Variants in FAM216A observed in about 807,000 individuals in gnomAD.
FAM216A encodes the protein family with sequence similarity 216 member A, also known as protein FAM216A.
In FAM216A, 26 loss-of-function variants were observed where a neutral mutation model predicts 37.6. The ratio of observed to expected loss-of-function variants is 0.69; its 90% CI spans 0.51 to 0.96. FAM216A has a LOEUF of 0.96. Ranked by LOEUF, FAM216A falls within the 40% of genes least tolerant of loss-of-function variation. The probability of loss-of-function intolerance (pLI) is 0.00; values close to 1 mark genes in which losing one functional copy is unlikely to be tolerated. For missense variants in FAM216A, 326 were observed against 339.3 expected, an observed-to-expected ratio of 0.96 and a Z score of 0.31; for synonymous variants, 110 against 121.7, an observed-to-expected ratio of 0.90 and a Z score of 0.64.
At chr12:110,487,435 G>A (rs1006454065) in intron 5 of FAM216A, 14 of 156,936 alleles carry the variant, frequency 8.9e-5, no homozygotes, top group Admixed American at 3.9e-4. Context: ...ATGCCTAGCC[G>A]AGAGATATTT....
At chr12:110,484,121 AT>A (rs1156791862) in intron 2 of FAM216A, among the ~76,000 whole-genome samples, 1 of 151,760 alleles carries the variant, frequency 6.6e-6, no homozygotes, top group Non-Finnish European at 1.5e-5. Context: ...TTAAAAAAAG[AT>A]TTAAAAAACT....
At chr12:110,470,260 G>A (rs569202533) in intron 1 of FAM216A, among the ~76,000 whole-genome samples, 36 of 151,464 alleles carry the variant, frequency 2.4e-4, no homozygotes, top group Middle Eastern at 3.4e-3. Flanking sequence ...CACCACGCCC[G>A]GCTACTTTTT....
chr12:110,469,016 C>T lies in FAM216A; in HGVS notation c.141C>T (p.Gly47=). The change falls in exon 1 of 7, where the codon GGC becomes GGT. Residue 47 remains glycine (G), a splice_region_variant and synonymous_variant. Coordinates refer to ENST00000377673, the MANE Select transcript of FAM216A (RefSeq NM_013300.3). The part of the protein sequence containing the change: ...PAVAGTEGGG[G]GSAGYSCYQN... ...TGGCCGGGACCGAGGGTGGCGGCGG[C>T]GGGTGAGGTTGGGGGCCCCGGGGTA... is the stretch of plus-strand genomic sequence containing the variant. The T allele has an allele frequency of 6.8e-7, 1 of 1,468,294 alleles. No homozygotes were observed. Among genetic ancestry groups the T allele is most frequent in the Non-Finnish European group, 9.0e-7 (1 of 1,111,324 alleles). 91.0% of individuals were successfully genotyped at this position (1,468,294 alleles called of 1,614,324 possible).
intron 2 of FAM216A, among the ~76,000 whole-genome samples, chr12:110,477,986 C>T (rs934020798): frequency 7.2e-5 from 11 of 152,318 alleles, no homozygotes; most frequent in South Asian, 6.2e-4. Flanking sequence ...GGATTACAGG[C>T]GTGAGCCCCC....
chr12:110,480,931 C>T (rs576541518), intron 2 of FAM216A, among the ~76,000 whole-genome samples: 2 of 152,192 alleles, frequency 1.3e-5, no homozygotes, highest in African/African-American at 4.8e-5. Flanking sequence ...CCCTATATAC[C>T]TCCTTTCCCC....
At chr12:110,489,105 G>T (rs1042028812) in intron 6 of FAM216A, among the ~76,000 whole-genome samples, 3 of 152,290 alleles carry the variant, frequency 2.0e-5, no homozygotes, top group Middle Eastern at 3.4e-3. Flanking sequence ...AATGAAAAAG[G>T]GAAGACAGAC....
At chr12:110,475,142 G>T (rs1315041693) in intron 2 of FAM216A, among the ~76,000 whole-genome samples, 1 of 152,198 alleles carries the variant, frequency 6.6e-6, no homozygotes, top group Non-Finnish European at 1.5e-5. Context: ...CCAGTATTCA[G>T]CAAGTGCTTG....
At chr12:110,477,947 T>C (rs2062724051) in intron 2 of FAM216A, among the ~76,000 whole-genome samples, 1 of 152,054 alleles carries the variant, frequency 6.6e-6, no homozygotes, top group South Asian at 2.1e-4. Flanking sequence ...GACCTTGTGA[T>C]CTGCCCACCT....
chr12:110,476,009 A>C (rs2062712803), intron 2 of FAM216A, among the ~76,000 whole-genome samples: 1 of 151,980 alleles, frequency 6.6e-6, no homozygotes, highest in African/African-American at 2.4e-5. Context: ...AAGTGCTGGG[A>C]TTACAGGCGT....
chr12:110,488,234 A>C (rs2062787519), intron 6 of FAM216A, among the ~76,000 whole-genome samples: 1 of 151,942 alleles, frequency 6.6e-6, no homozygotes, highest in Admixed American at 6.6e-5. Flanking sequence ...ACATGGCGAA[A>C]CTCCCATCTC....
chr12:110,484,020 C>T (rs1034104932), intron 2 of FAM216A, among the ~76,000 whole-genome samples: 14 of 152,046 alleles, frequency 9.2e-5, no homozygotes, highest in East Asian at 1.9e-4. Context: ...GAGGCAGAGG[C>T]GGGAGAATCT....
intron 2 of FAM216A, among the ~76,000 whole-genome samples, chr12:110,474,510 T>A (rs991721896): frequency 6.7e-6 from 1 of 148,344 alleles, no homozygotes; most frequent in African/African-American, 2.5e-5. Flanking sequence ...ACCAACATGG[T>A]GAAACCCCGT....
At chr12:110,470,475 A>ATT (rs560103990) in intron 1 of FAM216A, among the ~76,000 whole-genome samples, 13 of 135,874 alleles carry the variant, frequency 9.6e-5, no homozygotes, top group Non-Finnish European at 1.3e-4. Context: ...AGATACGTGA[A>ATT]TTTTTTTTTT....
intron 2 of FAM216A, among the ~76,000 whole-genome samples, chr12:110,473,887 C>T (rs1390185626): frequency 6.6e-6 from 1 of 152,168 alleles, no homozygotes; most frequent in African/African-American, 2.4e-5. Context: ...AGGTCTCTCA[C>T]TAATTGCTTT....
chr12:110,485,722 T>C (rs2062773525), intron 3 of FAM216A, among the ~76,000 whole-genome samples: 1 of 152,222 alleles, frequency 6.6e-6, no homozygotes, highest in South Asian at 2.1e-4. Context: ...GGTAAATTTT[T>C]CTAACATTTT....
intron 2 of FAM216A, among the ~76,000 whole-genome samples, chr12:110,483,277 G>A (rs2062758617): frequency 1.3e-5 from 2 of 148,754 alleles, no homozygotes; most frequent in South Asian, 4.2e-4. Flanking sequence ...CTTGCAATGA[G>A]CCGAGATGGT....
chr12:110,475,244 T>C (rs1262196533), intron 2 of FAM216A, among the ~76,000 whole-genome samples: 2 of 152,152 alleles, frequency 1.3e-5, no homozygotes, highest in Admixed American at 6.6e-5. Context: ...TAGATATTAC[T>C]GTTATTATTA....
chr12:110,485,024 A>C, intron 2 of FAM216A, 54 bp from the exon 3 acceptor site: 1 of 1,562,412 alleles, frequency 6.4e-7, no homozygotes, highest in Non-Finnish European at 8.7e-7. Flanking sequence ...TTAATAATTC[A>C]GTTTGTTGAA....
intron 1 of FAM216A, among the ~76,000 whole-genome samples, chr12:110,471,335 C>T (rs111546365): frequency 7.9e-5 from 12 of 152,276 alleles, no homozygotes; most frequent in African/African-American, 2.4e-4. Flanking sequence ...GTGATCCACC[C>T]GCCTCGGCCT....
Sources: allele counts gnomAD v4.1 joint callset (sites outside exome capture counted in the v4.1 genomes callset), GRCh38; gene constraint gnomAD v4.1.1; transcripts MANE v1.5; gene names NCBI Gene and HGNC (gene_info 2026-07-23, HGNC 2026-07-21).